The following PRR5L variants were observed in gnomAD, a reference collection of about 807,000 sequenced individuals.
PRR5L encodes the protein proline-rich protein 5-like.
In PRR5L, 21 loss-of-function variants were observed where a neutral mutation model predicts 36.4. The ratio of observed to expected loss-of-function variants is 0.58; its 90% CI spans 0.41 to 0.83. PRR5L has a LOEUF of 0.83. Among genes scored for constraint, PRR5L ranks in the 40% least tolerant of loss-of-function variants. The probability of loss-of-function intolerance (pLI) is 0.00; values close to 1 mark genes in which losing one functional copy is unlikely to be tolerated. For synonymous variants in PRR5L, 188 were observed against 197.0 expected (o/e 0.95, Z 0.38); for missense variants, 381 against 473.3 (o/e 0.80, Z 1.81).
intron 6 of PRR5L, among the ~76,000 whole-genome samples, chr11:36,440,326 G>T (rs1004050563): frequency 2.1e-4 from 32 of 152,104 alleles, no homozygotes; most frequent in African/African-American, 7.7e-4. Context: ...GCTGTCCTTG[G>T]CCCGGTTAAA....
intron 8 of PRR5L, among the ~76,000 whole-genome samples, chr11:36,461,344 C>T (rs1025236249): frequency 3.3e-5 from 5 of 152,056 alleles, no homozygotes; most frequent in East Asian, 1.9e-4. Flanking sequence ...CAGTTTAGGC[C>T]GGACGTGGTG....
intron 1 of PRR5L, among the ~76,000 whole-genome samples, chr11:36,399,548 C>G (rs534027105): frequency 1.3e-5 from 2 of 152,346 alleles, no homozygotes; most frequent in South Asian, 4.1e-4. Flanking sequence ...CAAAAATCTT[C>G]TCCCCTGGCA....
At chr11:36,346,263 C>T (rs12288057) in intron 1 of PRR5L, among the ~76,000 whole-genome samples, 16 of 152,204 alleles carry the variant, frequency 1.1e-4, no homozygotes, top group South Asian at 2.1e-4. Context: ...TATGAGCCAC[C>T]GGCCCAGCCT....
chr11:36,343,244 A>G lies in PRR5L; in HGVS notation c.-126+46806A>G, dbSNP rs548393295. On this transcript the variant is annotated intron_variant, in intron 1 of 8. Transcript: ENST00000530639. ...AAAACAGAAAAGAGAGACAAATTCT[A>G]GTTCAACATCTGTAAGGGAGTACAT... is the stretch of plus-strand genomic sequence containing the variant. Among the ~76,000 whole-genome samples the G allele has an allele frequency of 3.3e-5, 5 of 152,370 alleles. No homozygotes were observed. In the South Asian group the frequency reaches 1.0e-3, roughly 32 times the overall value.
chr11:36,456,843 C>A (rs1859068398), intron 8 of PRR5L, among the ~76,000 whole-genome samples: 1 of 152,242 alleles, frequency 6.6e-6, no homozygotes, highest in Non-Finnish European at 1.5e-5. Context: ...TGGGCTCAAG[C>A]CCCTGTTGGG....
rs184684631 is a variant in PRR5L, at chr11:36,307,224, T to C, written c.-126+10786T>C. 3.9e-5 allele frequency among the ~76,000 whole-genome samples: 6 copies of C among 152,256 alleles called. No homozygotes were observed. In the East Asian group the frequency reaches 1.2e-3, roughly 29 times the overall value. On this transcript the variant is annotated intron_variant, in intron 1 of 8. Coordinates refer to ENST00000530639, the MANE Select transcript of PRR5L (RefSeq NM_001160167.2). Reference sequence around the variant, plus strand: ...TTCCCAGCTACTAGACACAACAAGTTTGCAAATGCTTCATATGCCTTGTCA... The same window carrying C: ...TTCCCAGCTACTAGACACAACAAGTCTGCAAATGCTTCATATGCCTTGTCA...
intron 1 of PRR5L, among the ~76,000 whole-genome samples, chr11:36,328,744 G>C (rs899735350): frequency 2.0e-5 from 3 of 152,184 alleles, no homozygotes; most frequent in African/African-American, 4.8e-5. Context: ...CCCACAGAGG[G>C]CATTAATGGC....
intron 1 of PRR5L, among the ~76,000 whole-genome samples, chr11:36,378,784 A>G (rs1487096589): frequency 6.6e-6 from 1 of 152,224 alleles, no homozygotes; most frequent in Non-Finnish European, 1.5e-5. Flanking sequence ...ATAATATTAT[A>G]TACTCCTCAT....
chr11:36,391,220 T>C (rs1470605715), intron 1 of PRR5L, among the ~76,000 whole-genome samples: 1 of 152,210 alleles, frequency 6.6e-6, no homozygotes, highest in African/African-American at 2.4e-5. Context: ...TTTTAAGTTG[T>C]TGGGCCATGA....
chr11:36,332,325 G>A (rs76235342), intron 1 of PRR5L, among the ~76,000 whole-genome samples: 14,598 of 152,154 alleles, frequency 0.096, 1,273 homozygotes, highest in African/African-American at 0.24. Flanking sequence ...CAAAACTGTA[G>A]GTTTGCCATA....
chr11:36,403,097 C>T (rs950163439), intron 2 of PRR5L, among the ~76,000 whole-genome samples: 1 of 152,204 alleles, frequency 6.6e-6, no homozygotes, highest in East Asian at 1.9e-4. Context: ...TGCAAGAAAG[C>T]GGGGGCTGCT....
chr11:36,372,586 A>G (rs1857208100), intron 1 of PRR5L, among the ~76,000 whole-genome samples: 1 of 152,198 alleles, frequency 6.6e-6, no homozygotes, highest in Non-Finnish European at 1.5e-5. Context: ...CATCCCTTGC[A>G]AGCTGCATTC....
At chr11:36,421,287 G>T (rs984959493) in intron 4 of PRR5L, among the ~76,000 whole-genome samples, 1 of 152,166 alleles carries the variant, frequency 6.6e-6, no homozygotes, top group Admixed American at 6.5e-5. Flanking sequence ...AAGGGTGTTT[G>T]GGTGGGGACT....
At chr11:36,388,469 C>T (rs543467371) in intron 1 of PRR5L, among the ~76,000 whole-genome samples, 1 of 152,042 alleles carries the variant, frequency 6.6e-6, no homozygotes, top group Non-Finnish European at 1.5e-5. Context: ...TCAAAAAGTC[C>T]AAAAGGGCTT....
rs561274254 is a variant in PRR5L, at chr11:36,404,865, G to A, written c.245+1487G>A. Among the ~76,000 whole-genome samples, 6 of 152,274 alleles carry A rather than the reference G, an allele frequency of 3.9e-5. No individual in the cohort carries two copies. In the South Asian group the frequency reaches 1.2e-3, roughly 32 times the overall value. ...CTAGCCCAAGGCCTCATTTTACAAA[G>A]GAGGAAACTGAGGCCCCAAGAAGTT... On this transcript the variant is annotated intron_variant, in intron 3 of 8. Transcript: ENST00000530639.
At chr11:36,405,972 A>G (rs540776269) in intron 3 of PRR5L, among the ~76,000 whole-genome samples, 11 of 152,112 alleles carry the variant, frequency 7.2e-5, no homozygotes, top group Admixed American at 2.0e-4. Context: ...AATCCCATCA[A>G]ATTGGGGGTT....
intron 1 of PRR5L, among the ~76,000 whole-genome samples, chr11:36,383,526 A>G (rs1035778464): frequency 6.6e-6 from 1 of 152,172 alleles, no homozygotes; most frequent in Non-Finnish European, 1.5e-5. Flanking sequence ...ACATCTGAAC[A>G]CAGGTTTTCA....
intron 1 of PRR5L, among the ~76,000 whole-genome samples, chr11:36,369,097 A>C (rs1213597135): frequency 6.6e-6 from 1 of 152,206 alleles, no homozygotes; most frequent in East Asian, 1.9e-4. Context: ...GCTGGGAGAC[A>C]GGTCAGAAAC....
chr11:36,398,119 C>T (rs1051656306), intron 1 of PRR5L, among the ~76,000 whole-genome samples: 2 of 152,148 alleles, frequency 1.3e-5, no homozygotes, highest in African/African-American at 2.4e-5. Context: ...GAATAAAGCC[C>T]GATGCCTGTC....
Sources: allele counts gnomAD v4.1 joint callset (sites outside exome capture counted in the v4.1 genomes callset), GRCh38; gene constraint gnomAD v4.1.1; transcripts MANE v1.5; gene names NCBI Gene and HGNC (gene_info 2026-07-23, HGNC 2026-07-21).